IGF2BP2: variants seen among roughly 807,000 people sequenced by gnomAD.
The protein encoded by IGF2BP2 is insulin-like growth factor 2 mRNA-binding protein 2.
IGF2BP2 carries 17 observed loss-of-function variants against 75.8 expected under a neutral mutation model. The observed-to-expected ratio is 0.22, with a 90% CI of 0.15 to 0.34. The LOEUF is 0.34. Among genes scored for constraint, IGF2BP2 ranks in the 10% least tolerant of loss-of-function variants. The pLI, the probability that IGF2BP2 is intolerant of heterozygous loss-of-function variation, is 1.00. For synonymous variants in IGF2BP2, 288 were observed against 295.6 expected (o/e 0.97, Z 0.26); for missense variants, 516 against 772.4 (o/e 0.67, Z 3.93).
intron 2 of IGF2BP2, among the ~76,000 whole-genome samples, chr3:185,754,040 C>T (rs1487702820): frequency 4.2e-5 from 6 of 142,254 alleles, no homozygotes; most frequent in Non-Finnish European, 7.7e-5. Flanking sequence ...CCCATCTCTA[C>T]AAAAAAAAAA....
chr3:185,723,639 C>G (rs1726895038), intron 2 of IGF2BP2, among the ~76,000 whole-genome samples: 1 of 152,190 alleles, frequency 6.6e-6, no homozygotes, highest in Non-Finnish European at 1.5e-5. Flanking sequence ...TGATGTCTAG[C>G]TCTGAACAGG....
intron 2 of IGF2BP2, chr3:185,717,241 G>A: frequency 5.9e-6 from 1 of 169,150 alleles, no homozygotes; most frequent in East Asian, 1.7e-4. Flanking sequence ...AGGACCAACG[G>A]GCACATGGCC....
chr3:185,709,651 A>C (rs1724524977), intron 2 of IGF2BP2, among the ~76,000 whole-genome samples: 1 of 152,266 alleles, frequency 6.6e-6, no homozygotes, highest in Admixed American at 6.5e-5. Flanking sequence ...CGTCATGGTG[A>C]TGAAGGAAAA....
At chr3:185,769,063 C>G (rs1049124961) in intron 2 of IGF2BP2, among the ~76,000 whole-genome samples, 1 of 151,822 alleles carries the variant, frequency 6.6e-6, no homozygotes, top group Non-Finnish European at 1.5e-5. Context: ...TGAACCTGGG[C>G]GGGGCGCGGT....
intron 10 of IGF2BP2, among the ~76,000 whole-genome samples, chr3:185,671,849 A>G (rs1480749174): frequency 6.6e-6 from 1 of 152,230 alleles, no homozygotes; most frequent in East Asian, 1.9e-4. Context: ...GCTTTTAAAA[A>G]TAAGCAGTCT....
intron 2 of IGF2BP2, among the ~76,000 whole-genome samples, chr3:185,768,485 A>G (rs1193076240): frequency 6.6e-6 from 1 of 152,226 alleles, no homozygotes; most frequent in Non-Finnish European, 1.5e-5. Flanking sequence ...AACCCTTTTA[A>G]GTCAATCTAA....
intron 2 of IGF2BP2, chr3:185,712,717 C>T (rs1724986314): frequency 1.3e-5 from 2 of 149,790 alleles, no homozygotes; most frequent in Admixed American, 1.3e-4. Flanking sequence ...CAAATAGATG[C>T]TGAATTTTGG....
At chr3:185,745,593 A>G (rs1730150278) in intron 2 of IGF2BP2, among the ~76,000 whole-genome samples, 1 of 152,158 alleles carries the variant, frequency 6.6e-6, no homozygotes, top group Admixed American at 6.5e-5. Context: ...AATGCCTAAG[A>G]TGATTCAGGA....
intron 2 of IGF2BP2, among the ~76,000 whole-genome samples, chr3:185,783,497 C>T (rs565688858): frequency 6.6e-6 from 1 of 152,318 alleles, no homozygotes; most frequent in African/African-American, 2.4e-5. Context: ...TGTTTACAAA[C>T]TTAGGGACAT....
intron 2 of IGF2BP2, among the ~76,000 whole-genome samples, chr3:185,747,663 A>G (rs1730424794): frequency 6.6e-6 from 1 of 152,090 alleles, no homozygotes; most frequent in Admixed American, 6.5e-5. Context: ...TGGGCGACAG[A>G]GCAAGAGTCC....
chr3:185,703,425 A>AAG (rs756050792), intron 2 of IGF2BP2, among the ~76,000 whole-genome samples: 2 of 152,158 alleles, frequency 1.3e-5, no homozygotes, highest in African/African-American at 2.4e-5. Flanking sequence ...TTGTTGCTTA[A>AAG]AGTAAGGAGG....
intron 10 of IGF2BP2, among the ~76,000 whole-genome samples, chr3:185,661,842 G>T (rs142121313): frequency 1.3e-5 from 2 of 152,040 alleles, no homozygotes; most frequent in African/African-American, 4.8e-5. Context: ...CAGGTGTGGA[G>T]GTGAGTGGTC....
At chr3:185,787,133 G>T (rs757027416) in intron 2 of IGF2BP2, among the ~76,000 whole-genome samples, 1 of 152,144 alleles carries the variant, frequency 6.6e-6, no homozygotes. Context: ...AGGCTGGAAG[G>T]GGGGCAATGG....
chr3:185,687,232 T>C, intron 6 of IGF2BP2, 41 bp from the exon 7 acceptor site: 10 of 1,572,526 alleles, frequency 6.4e-6, no homozygotes, highest in Non-Finnish European at 7.7e-6. Context: ...CAAGGTCATC[T>C]GGATAGGACC....
At chr3:185,698,802 T>C (rs1722921356) in intron 2 of IGF2BP2, among the ~76,000 whole-genome samples, 1 of 151,028 alleles carries the variant, frequency 6.6e-6, no homozygotes, top group Admixed American at 6.6e-5. Flanking sequence ...TTTTTGTGGG[T>C]TTTTTGTTGT....
At chr3:185,699,345 A>G (rs1294328530) in intron 2 of IGF2BP2, among the ~76,000 whole-genome samples, 2 of 152,192 alleles carry the variant, frequency 1.3e-5, no homozygotes, top group African/African-American at 4.8e-5. Flanking sequence ...ACCTGACCCC[A>G]AAGTGTACCT....
At chr3:185,821,098 C>G (rs1430201616) in intron 2 of IGF2BP2, 22 of 1,530,510 alleles carry the variant, frequency 1.4e-5, no homozygotes, top group Non-Finnish European at 1.8e-5. Context: ...TCTCAGTACA[C>G]AATACCGGTC....
intron 2 of IGF2BP2, among the ~76,000 whole-genome samples, chr3:185,775,348 A>G (rs978623181): frequency 2.6e-5 from 4 of 152,212 alleles, no homozygotes; most frequent in South Asian, 4.1e-4. Context: ...TTCAATGAAC[A>G]CTTATGATAT....
At chr3:185,690,972 A>G (rs191163907) in intron 5 of IGF2BP2, among the ~76,000 whole-genome samples, 7 of 152,340 alleles carry the variant, frequency 4.6e-5, no homozygotes, top group African/African-American at 1.7e-4. Context: ...CAATAGAGTA[A>G]TATCATGTAG....
Sources: gnomAD v4.1 joint callset for allele counts (sites outside exome capture counted in the v4.1 genomes callset) on GRCh38, gnomAD v4.1.1 for gene constraint, MANE v1.5 for transcripts, NCBI Gene and HGNC (gene_info 2026-07-23, HGNC 2026-07-21) for gene names.